The following LIPC variants were observed in gnomAD, a reference collection of about 807,000 sequenced individuals.
LIPC encodes lipase C, hepatic type, also known as hepatic triacylglycerol lipase.
In LIPC, 44 loss-of-function variants were observed where a neutral mutation model predicts 50.7. The observed-to-expected ratio is 0.87, with a 90% confidence interval of 0.68 to 1.11. The LOEUF (loss-of-function observed/expected upper bound fraction) is 1.11, where lower values mean the gene tolerates loss of function less well. LIPC is among the 50% of genes most tolerant of loss of function. The pLI is 0.00. For synonymous variants in LIPC, 271 were observed against 256.4 expected, an observed-to-expected ratio of 1.06 and a Z score of -0.54; for missense variants, 697 against 648.2, an observed-to-expected ratio of 1.08 and a Z score of -0.82.
chr15:58,529,799 T>C (rs776848007), intron 1 of LIPC, among the ~76,000 whole-genome samples: 9 of 152,158 alleles, frequency 5.9e-5, no homozygotes, highest in Non-Finnish European at 1.0e-4. Context: ...GCATGTCAGG[T>C]GGCCTTTCTG....
At chr15:58,470,692 C>T (rs1195428061) in intron 1 of LIPC, among the ~76,000 whole-genome samples, 6 of 151,672 alleles carry the variant, frequency 4.0e-5, no homozygotes, top group Admixed American at 1.3e-4. Context: ...CTCCGCCTCC[C>T]GGGTGCACAC....
At chr15:58,539,571 A>G (rs1893253842) in intron 2 of LIPC, among the ~76,000 whole-genome samples, 1 of 152,086 alleles carries the variant, frequency 6.6e-6, no homozygotes, top group Non-Finnish European at 1.5e-5. Context: ...AACCCTCCAG[A>G]GATTTTGGTG....
chr15:58,486,154 T>C (rs1891369477), intron 1 of LIPC, among the ~76,000 whole-genome samples: 1 of 152,194 alleles, frequency 6.6e-6, no homozygotes, highest in Non-Finnish European at 1.5e-5. Flanking sequence ...ATTCTAACAG[T>C]GCCACTCTCT....
At chr15:58,438,034 AAAC>A (rs1893366836) in intron 1 of LIPC, among the ~76,000 whole-genome samples, 2 of 152,100 alleles carry the variant, frequency 1.3e-5, no homozygotes, top group African/African-American at 4.8e-5. Flanking sequence ...CTGGAGAGAG[AAAC>A]TGCAGGGCTG....
chr15:58,512,021 A>T (rs1011315636), intron 1 of LIPC, among the ~76,000 whole-genome samples: 2 of 152,160 alleles, frequency 1.3e-5, no homozygotes, highest in Non-Finnish European at 2.9e-5. Flanking sequence ...GGAAATCACA[A>T]CCATAATACA....
chr15:58,459,439 A>T (rs1894258832), intron 1 of LIPC, among the ~76,000 whole-genome samples: 1 of 151,658 alleles, frequency 6.6e-6, no homozygotes. Flanking sequence ...GCTCACAATA[A>T]ATAAATAAAT....
At chr15:58,523,046 C>T (rs1401946096) in intron 1 of LIPC, 1 of 152,368 alleles carries the variant, frequency 6.6e-6, no homozygotes, top group African/African-American at 2.4e-5. Context: ...AGCCCTGGGG[C>T]AGTAGGGGGA....
At chr15:58,466,303 G>T (rs538438198) in intron 1 of LIPC, among the ~76,000 whole-genome samples, 2 of 152,152 alleles carry the variant, frequency 1.3e-5, no homozygotes, top group Non-Finnish European at 2.9e-5. Context: ...GAAGTAAAAA[G>T]GTTCTGGAAA....
At chr15:58,458,835 T>C (rs1233795442) in intron 1 of LIPC, among the ~76,000 whole-genome samples, 1 of 152,164 alleles carries the variant, frequency 6.6e-6, no homozygotes, top group African/African-American at 2.4e-5. Context: ...GGAAAAAGGT[T>C]TTACAGAGGG....
At chr15:58,550,072 G>T (rs531072311) in intron 6 of LIPC, among the ~76,000 whole-genome samples, 1 of 152,296 alleles carries the variant, frequency 6.6e-6, no homozygotes, top group African/African-American at 2.4e-5. Flanking sequence ...GGGAAACCAA[G>T]GCCTAGGCAG....
chr15:58,500,624 T>G (rs140160007), intron 1 of LIPC, among the ~76,000 whole-genome samples: 1 of 152,296 alleles, frequency 6.6e-6, no homozygotes, highest in African/African-American at 2.4e-5. Context: ...TTTTCATATG[T>G]GCTGCTACTA....
At chr15:58,520,957 G>A (rs1892634645) in intron 1 of LIPC, among the ~76,000 whole-genome samples, 1 of 152,160 alleles carries the variant, frequency 6.6e-6, no homozygotes, top group South Asian at 2.1e-4. Flanking sequence ...ACTGGTTTGG[G>A]GTCTGGAGGG....
At chr15:58,463,406 C>T (rs1437932263) in intron 1 of LIPC, among the ~76,000 whole-genome samples, 1 of 152,224 alleles carries the variant, frequency 6.6e-6, no homozygotes, top group East Asian at 1.9e-4. Context: ...CTTTCAGAAA[C>T]TGCTCTGCTC....
intron 1 of LIPC, among the ~76,000 whole-genome samples, chr15:58,533,969 A>G (rs1893036935): frequency 1.3e-5 from 2 of 152,326 alleles, no homozygotes; most frequent in South Asian, 4.1e-4. Context: ...CTAAGGACAT[A>G]CAGTAGGCCA....
chr15:58,549,305 T>A (rs368430163), intron 6 of LIPC, among the ~76,000 whole-genome samples: 1 of 152,246 alleles, frequency 6.6e-6, no homozygotes, highest in Admixed American at 6.5e-5. Flanking sequence ...CTTTAGCATC[T>A]CACTGTTTCA....
intron 8 of LIPC, chr15:58,565,913 CAAAAAA>C (rs55871337): frequency 2.1e-6 from 2 of 942,926 alleles, no homozygotes; most frequent in South Asian, 4.9e-5. Context: ...TCGGAGAATA[CAAAAAA>C]AAAAAAAAAA....
At chr15:58,527,850 C>G (rs535462648) in intron 1 of LIPC, among the ~76,000 whole-genome samples, 3 of 152,122 alleles carry the variant, frequency 2.0e-5, no homozygotes, top group African/African-American at 7.2e-5. Context: ...TAAAAGCATA[C>G]CCAAGAGCCA....
intron 1 of LIPC, among the ~76,000 whole-genome samples, chr15:58,490,517 T>C (rs1292669140): frequency 6.6e-6 from 1 of 152,212 alleles, no homozygotes; most frequent in Non-Finnish European, 1.5e-5. Context: ...TATCCTGTAG[T>C]CTTCTCACCT....
At chr15:58,537,695 A>G (rs11853726) in intron 1 of LIPC, among the ~76,000 whole-genome samples, 53,958 of 151,936 alleles carry the variant, frequency 0.36, 10,116 homozygotes, top group Middle Eastern at 0.51. Context: ...CTGCAAGGCC[A>G]GGGTCAACAT....
Sources: gnomAD v4.1 joint callset for allele counts (sites outside exome capture counted in the v4.1 genomes callset) on GRCh38, gnomAD v4.1.1 for gene constraint, MANE v1.5 for transcripts, NCBI Gene and HGNC (gene_info 2026-07-23, HGNC 2026-07-21) for gene names.